TRA2A: variants seen among roughly 807,000 people sequenced by gnomAD.
The protein encoded by TRA2A is transformer-2 protein homolog alpha.
TRA2A carries 31 observed loss-of-function variants against 45.7 expected under a neutral mutation model. The ratio of observed to expected loss-of-function variants is 0.68; its 90% CI spans 0.51 to 0.92. The LOEUF (loss-of-function observed/expected upper bound fraction) is 0.92, where lower values mean the gene tolerates loss of function less well. Ranked by LOEUF, TRA2A falls within the 40% of genes least tolerant of loss-of-function variation. The probability of loss-of-function intolerance (pLI) is 0.00; values close to 1 mark genes in which losing one functional copy is unlikely to be tolerated. For missense variants in TRA2A, 304 were observed against 367.5 expected (o/e 0.83, Z 1.41); for synonymous variants, 132 against 126.2 (o/e 1.05, Z -0.31).
At chr7:23,513,864 G>A (rs1463282111) in intron 3 of TRA2A, among the ~76,000 whole-genome samples, 1 of 151,980 alleles carries the variant, frequency 6.6e-6, no homozygotes, top group Non-Finnish European at 1.5e-5. Context: ...TTTTAAAAGA[G>A]GCAAAGGCGG....
rs1790144422 is a variant in TRA2A at position 23,521,711 on chromosome 7, A to C, written c.166T>G (p.Ser56Ala). 1 of 1,613,974 alleles carries C rather than the reference A, an allele frequency of 6.2e-7. No homozygotes were observed. The change falls in exon 2 of 8, where the codon TCC becomes GCC. Residue 56 changes from serine (S) to alanine (A), a missense_variant. Around this residue, in one of 3 missense-constraint regions of TRA2A, gnomAD observed 132 missense variants for 113.4 expected, o/e 1.16. Transcript: ENST00000297071. The part of the protein sequence containing the change: ...SESHSRSRSK[S>A]RSRSRRHSHR... ...TATTATCTTAAACACACTTACCTGG[A>C]TTTTGATCTTGATCGAGAATGGGAT...
chr7:23,529,096 TCCC>T (rs1165733972), intron 1 of TRA2A, among the ~76,000 whole-genome samples: 5 of 152,156 alleles, frequency 3.3e-5, no homozygotes, highest in African/African-American at 1.2e-4. Context: ...AGATTTCCAT[TCCC>T]CTTAATTTCT....
At chr7:23,517,608 G>GACAAA (rs1554347152) in intron 2 of TRA2A, among the ~76,000 whole-genome samples, 2 of 139,698 alleles carry the variant, frequency 1.4e-5, no homozygotes, top group African/African-American at 5.4e-5. Flanking sequence ...CAGAAACAAA[G>GACAAA]ACAAAACAAA....
Position 23,505,825 on chromosome 7 carries a change from G to C in TRA2A, c.771-12C>G. On this transcript the variant is annotated splice_polypyrimidine_tract_variant and intron_variant, in intron 6 of 7. Transcript: ENST00000297071. ...AAGGTGATCGTCTTCTGTAAGAAAT[G>C]AAAGATTACTTAGCATACTATATAA... The C allele has an allele frequency of 6.7e-7, 1 of 1,491,400 alleles. No individual in the cohort carries two copies. Among genetic ancestry groups the C allele is most frequent in the Non-Finnish European group, 9.0e-7 (1 of 1,109,928 alleles). 92.4% of individuals were successfully genotyped at this position (1,491,400 alleles called of 1,614,324 possible). A position where few individuals can be genotyped will look rare whatever the true frequency, so the allele number is the denominator to read the frequency against.
chr7:23,511,396 A>AAAAAAAAAAAAAAG (rs1789606468), intron 4 of TRA2A, among the ~76,000 whole-genome samples: 1 of 31,036 alleles, frequency 3.2e-5, no homozygotes, highest in Non-Finnish European at 7.2e-5. Context: ...AAAAAAAAAA[A>AAAAAAAAAAAAAAG]AAAAAAAAAA....
chr7:23,509,358 A>C (rs1789490485), intron 4 of TRA2A, among the ~76,000 whole-genome samples: 1 of 152,170 alleles, frequency 6.6e-6, no homozygotes, highest in African/African-American at 2.4e-5. Flanking sequence ...CCATATGCAC[A>C]CTAATAACTT....
At chr7:23,510,488 G>A (rs1474486424) in intron 4 of TRA2A, among the ~76,000 whole-genome samples, 2 of 144,330 alleles carry the variant, frequency 1.4e-5, no homozygotes, top group African/African-American at 5.3e-5. Flanking sequence ...TTGCCACAAT[G>A]CCCGGCTAAT....
In TRA2A at chr7:23,505,006, G is replaced by A. The variant is rs1470844688; in HGVS notation, c.*553C>T. 6.6e-6 allele frequency: 1 copy of A among 152,410 alleles called. No homozygotes were observed. The highest frequency in any genetic ancestry group is 1.5e-5 in the Non-Finnish European group (1 of 68,048). The allele number at this position is 152,410 out of a possible 1,614,324, so 9.4% of individuals were successfully genotyped here. ...AAAAAAATCACACTTTAGTTTTTAA[G>A]TTTTAACAGATGTATTTCAAATACA... On this transcript the variant is annotated 3_prime_UTR_variant, in exon 8 of 8. Transcript: ENST00000297071.
intron 1 of TRA2A, among the ~76,000 whole-genome samples, chr7:23,530,445 C>T (rs960732204): frequency 8.5e-5 from 13 of 152,192 alleles, no homozygotes; most frequent in Non-Finnish European, 1.6e-4. Flanking sequence ...ATCATGAACT[C>T]CCCAAAAGGA....
Position 23,514,468 on chromosome 7 carries a change from TA to T in TRA2A, c.337-1387del, listed in dbSNP as rs888316683. 1.5e-4 allele frequency among the ~76,000 whole-genome samples: 23 copies of T among 151,618 alleles called. 1 individual carries two copies. The South Asian group carries it at 4.2e-3, about 27-fold the overall frequency. The stretch of plus-strand genomic sequence containing the variant: ...TAAGAGTGAAACTCCGTCTCACTTA[TA>T]AAAAAAAAGTATCCTCAGTTTAATA... On this transcript the variant is annotated intron_variant, in intron 3 of 7. Transcript: ENST00000297071.
rs1043456599 is a variant in TRA2A, at chr7:23,525,195, C to G, written c.37-3355G>C. ...TAAGAAGTCCTTTATATAAAGAGGA[C>G]AAATGCTAGGCTAATCCTTTTCTCT... On this transcript the variant is annotated intron_variant, in intron 1 of 7. Coordinates refer to ENST00000297071, the MANE Select transcript of TRA2A (RefSeq NM_013293.5). 4.7e-4 allele frequency among the ~76,000 whole-genome samples: 71 copies of G among 152,276 alleles called. 1 individual carries two copies. The highest frequency in any genetic ancestry group is 9.2e-4 in the Admixed American group (14 of 15,290).
In TRA2A at chr7:23,506,173, C is replaced by G. The variant is rs1789326449; in HGVS notation, c.735G>C (p.Gly245=). Residue 245 remains glycine, a synonymous_variant, in exon 6 of 8, where the codon GGG becomes GGC. Coordinates refer to ENST00000297071, the MANE Select transcript of TRA2A (RefSeq NM_013293.5). ...AATCATAGTCTTCATATCTGTCATA[C>G]CCACGATCATATCCTCTATCATAGT... The part of the protein sequence containing the change: ...DSYYDRGYDR[G]YDRYEDYDYR... 1 of 1,613,284 alleles carries G rather than the reference C, an allele frequency of 6.2e-7. No homozygotes were observed. Among genetic ancestry groups the G allele is most frequent in the Middle Eastern group, 1.7e-4 (1 of 6,050 alleles).
At chr7:23,520,665 C>G (rs994822522) in intron 2 of TRA2A, among the ~76,000 whole-genome samples, 1 of 150,002 alleles carries the variant, frequency 6.7e-6, no homozygotes, top group African/African-American at 2.5e-5. Flanking sequence ...CGTAAGCTAA[C>G]TGGTCAGGCT....
intron 3 of TRA2A, among the ~76,000 whole-genome samples, chr7:23,515,223 CTTTTTTTT>C (rs767953060): frequency 5.2e-5 from 5 of 96,792 alleles, no homozygotes; most frequent in Admixed American, 2.6e-4. Flanking sequence ...GAACATATTT[CTTTTTTTT>C]TTTTTTTTTT....
chr7:23,515,543 C>T (rs543613487), intron 3 of TRA2A, among the ~76,000 whole-genome samples: 1 of 139,406 alleles, frequency 7.2e-6, no homozygotes, highest in South Asian at 2.3e-4. Context: ...CAAATTTCAT[C>T]TCCTTTTCTT....
intron 4 of TRA2A, among the ~76,000 whole-genome samples, chr7:23,511,225 G>T (rs1454983056): frequency 3.3e-5 from 5 of 151,598 alleles, no homozygotes; most frequent in Non-Finnish European, 5.9e-5. Context: ...CAAAAAATTA[G>T]CTGGACATGG....
intron 1 of TRA2A, chr7:23,531,399 A>G (rs1379925935): frequency 3.2e-6 from 1 of 312,418 alleles, no homozygotes; most frequent in Admixed American, 5.4e-5. Flanking sequence ...CAGAAATGCC[A>G]CCGCAGGAAG....
chr7:23,510,058 A>G lies in TRA2A; in HGVS notation c.526-2523T>C, dbSNP rs536696962. Among the ~76,000 whole-genome samples the G allele has an allele frequency of 6.6e-5, 10 of 152,184 alleles. No homozygotes were observed. In the South Asian group the frequency reaches 1.9e-3, roughly 28 times the overall value. Reference sequence around the variant, plus strand: ...CAAACAAACAAAGAAACAACAAACAAACAACAAAAAAAGAAAAAAATCAAA... The same window carrying G: ...CAAACAAACAAAGAAACAACAAACAGACAACAAAAAAAGAAAAAAATCAAA... On this transcript the variant is annotated intron_variant, in intron 4 of 7. Transcript: ENST00000297071.
chr7:23,505,042 CAGG>C lies in TRA2A; in HGVS notation c.*514_*516del, dbSNP rs1789249808. The C allele has an allele frequency of 6.6e-6, 1 of 152,380 alleles. No homozygotes were observed. The highest frequency in any genetic ancestry group is 2.4e-5 in the African/African-American group (1 of 41,408). The allele number at this position is 152,380 out of a possible 1,614,324, so 9.4% of individuals were successfully genotyped here. A position where few individuals can be genotyped will look rare whatever the true frequency, so the allele number is the denominator to read the frequency against. On this transcript the variant is annotated 3_prime_UTR_variant, in exon 8 of 8. Transcript: ENST00000297071. ...TGTATTTCAAATACAGCATGTTTTA[CAGG>C]AGTTCACAAGCTTTTCATCTCTAAA...
Sources: allele counts gnomAD v4.1 joint callset (sites outside exome capture counted in the v4.1 genomes callset), GRCh38; gene constraint gnomAD v4.1.1; regional missense constraint gnomAD v4.1.1; transcripts MANE v1.5; gene names NCBI Gene and HGNC (gene_info 2026-07-23, HGNC 2026-07-21).